Variants in LYPD8 observed in about 807,000 individuals in gnomAD.
LYPD8 encodes LY6/PLAUR domain containing 8.
LYPD8 carries 8 observed loss-of-function variants against 1.7 expected under a neutral mutation model. The observed-to-expected ratio is 4.58, with a 90% CI of 2.69 to 8.27. The LOEUF (loss-of-function observed/expected upper bound fraction) is 8.27. LYPD8 is among the 30% of genes most tolerant of loss of function. The probability of loss-of-function intolerance (pLI) is 0.00; values close to 1 mark genes in which losing one functional copy is unlikely to be tolerated. For synonymous variants in LYPD8, 50 were observed against 43.6 expected, an observed-to-expected ratio of 1.15 and a Z score of -0.58; for missense variants, 112 against 102.3, an observed-to-expected ratio of 1.09 and a Z score of -0.41.
At chr1:248,752,852 C>CCCCA (rs1662835706) in intron 2 of LYPD8, among the ~76,000 whole-genome samples, 1 of 98,874 alleles carries the variant, frequency 1.0e-5, no homozygotes. Context: ...CACACACACA[C>CCCCA]CACACCACAC....
At chr1:248,744,749 A>G (rs868954817) in intron 6 of LYPD8, among the ~76,000 whole-genome samples, 1 of 152,270 alleles carries the variant, frequency 6.6e-6, no homozygotes, top group Admixed American at 6.5e-5. Flanking sequence ...CCAAAAGCCA[A>G]CACCTCTTAG....
At chr1:248,752,779 AC>A (rs1662829443) in intron 2 of LYPD8, among the ~76,000 whole-genome samples, 1 of 82,978 alleles carries the variant, frequency 1.2e-5, no homozygotes, top group African/African-American at 5.9e-5. Flanking sequence ...CCCACACAAC[AC>A]ACACCACACA....
intron 4 of LYPD8, among the ~76,000 whole-genome samples, chr1:248,749,922 T>TA (rs1286587690): frequency 1.8e-3 from 262 of 145,658 alleles, no homozygotes; most frequent in Middle Eastern, 7.2e-3. Context: ...AATACTGTAG[T>TA]AAAAAAAAAA....
At chr1:248,752,370 G>GT (rs1455254710) in intron 2 of LYPD8, among the ~76,000 whole-genome samples, 15 of 151,910 alleles carry the variant, frequency 9.9e-5, no homozygotes, top group African/African-American at 3.6e-4. Flanking sequence ...GCCAAAGCCA[G>GT]TGCTCTATTC....
intron 4 of LYPD8, among the ~76,000 whole-genome samples, chr1:248,749,175 C>T (rs954861980): frequency 5.9e-5 from 9 of 152,156 alleles, no homozygotes; most frequent in Admixed American, 5.2e-4. Flanking sequence ...ACCCATTTCT[C>T]TAACAAACCA....
At chr1:248,749,982 T>TG (rs1662770236) in intron 4 of LYPD8, among the ~76,000 whole-genome samples, 1 of 151,994 alleles carries the variant, frequency 6.6e-6, no homozygotes, top group African/African-American at 2.4e-5. Context: ...CACAGGGTAG[T>TG]GGTTACATGG....
intron 2 of LYPD8, among the ~76,000 whole-genome samples, chr1:248,753,098 A>T (rs1295634999): frequency 1.2e-5 from 1 of 83,816 alleles, no homozygotes; most frequent in African/African-American, 5.1e-5. Flanking sequence ...CTACACACAC[A>T]CCACACACCA....
At chr1:248,743,131 CT>C (rs1398007354) in intron 6 of LYPD8, among the ~76,000 whole-genome samples, 3 of 150,364 alleles carry the variant, frequency 2.0e-5, no homozygotes, top group Non-Finnish European at 4.4e-5. Flanking sequence ...GAATCTAAAA[CT>C]ACTCTGAAAA....
rs767478162 is a variant in LYPD8 at position 248,739,693 on chromosome 1, G to A, written c.632C>T (p.Thr211Ile). ...VNSLTPTSAPTTSHNVGSKAS... is the reference protein window; with the variant it reads ...VNSLTPTSAPITSHNVGSKAS... Reference sequence around the variant, plus strand: ...TTTGGAGCCCACGTTGTGGGAAGTGGTTGGTGCAGACGTGGGGGTTAAGCT... The same window carrying A: ...TTTGGAGCCCACGTTGTGGGAAGTGATTGGTGCAGACGTGGGGGTTAAGCT... Residue 211 changes from threonine (T) to isoleucine (I), a missense_variant, in exon 7 of 7, where the codon ACC becomes ATC. By Grantham distance (89) the Thr-to-Ile change is moderately conservative. Coordinates refer to ENST00000590317, the MANE Select transcript of LYPD8 (RefSeq NM_001085474.2). The surrounding 1 kb of genome is among the most constrained non-coding windows in gnomAD (Gnocchi z 4.3). The A allele has an allele frequency of 6.4e-7, 1 of 1,551,762 alleles. No individual in the cohort carries two copies.
At chr1:248,750,759 C>G in intron 3 of LYPD8, 116 bp from the exon 4 acceptor site, 1 of 397,924 alleles carries the variant, frequency 2.5e-6, no homozygotes, top group Non-Finnish European at 4.4e-6. Context: ...GGGATGGCAT[C>G]CCTGCCCTCT....
chr1:248,752,845 ACACACACCACACC>A (rs1662835136), intron 2 of LYPD8, among the ~76,000 whole-genome samples: 1 of 99,780 alleles, frequency 1.0e-5, no homozygotes, highest in Non-Finnish European at 1.9e-5. Flanking sequence ...CACCCCACAC[ACACACACCACACC>A]ACACACACAC....
chr1:248,743,714 G>A (rs1553283789), intron 6 of LYPD8, among the ~76,000 whole-genome samples: 1 of 152,016 alleles, frequency 6.6e-6, no homozygotes, highest in African/African-American at 2.4e-5. Flanking sequence ...CCGGGTCCTA[G>A]CCAGTGGAAT....
intron 2 of LYPD8, among the ~76,000 whole-genome samples, chr1:248,754,839 C>A (rs1356931888): frequency 6.6e-6 from 1 of 152,176 alleles, no homozygotes; most frequent in Non-Finnish European, 1.5e-5. Flanking sequence ...GCCCGGTGCA[C>A]CCCTACATGC....
At chr1:248,741,068 C>T (rs1284482589) in intron 6 of LYPD8, among the ~76,000 whole-genome samples, 3 of 152,178 alleles carry the variant, frequency 2.0e-5, no homozygotes, top group East Asian at 1.9e-4. Flanking sequence ...AGTCAGTGAT[C>T]GCACCCCTGC....
At chr1:248,748,779 C>T (rs1662752923) in intron 4 of LYPD8, among the ~76,000 whole-genome samples, 1 of 152,152 alleles carries the variant, frequency 6.6e-6, no homozygotes, top group African/African-American at 2.4e-5. Context: ...ATCAAACAGA[C>T]ATGACGAGCC....
intron 2 of LYPD8, among the ~76,000 whole-genome samples, chr1:248,753,217 C>CAT (rs1662854772): frequency 1.1e-5 from 1 of 92,972 alleles, no homozygotes; most frequent in African/African-American, 4.4e-5. Context: ...AACACACACA[C>CAT]CACACCACAC....
intron 2 of LYPD8, among the ~76,000 whole-genome samples, chr1:248,753,055 A>T (rs1662846492): frequency 1.2e-5 from 1 of 80,170 alleles, no homozygotes; most frequent in Non-Finnish European, 2.3e-5. Flanking sequence ...CATCACACAC[A>T]CACCCCACAC....
At chr1:248,743,156 A>T (rs1273761803) in intron 6 of LYPD8, among the ~76,000 whole-genome samples, 3 of 151,550 alleles carry the variant, frequency 2.0e-5, no homozygotes, top group Non-Finnish European at 4.4e-5. Context: ...ATGTGTATTT[A>T]AAAAAAAACA....
rs1169701739 is a variant in LYPD8 at position 248,748,389 on chromosome 1, G to A, written c.237C>T (p.His79=). 1 of 438,976 alleles carries A rather than the reference G, an allele frequency of 2.3e-6. No individual in the cohort carries two copies. The highest frequency in any genetic ancestry group is 4.0e-6 in the Non-Finnish European group (1 of 251,564). 27.2% of individuals were successfully genotyped at this position (438,976 alleles called of 1,614,324 possible). A position where few individuals can be genotyped will look rare whatever the true frequency, so the allele number is the denominator to read the frequency against. ...CSAENCSEET[H]ITAFTVHVSA... is the part of the protein sequence containing the mutation. ...ACACGTGGACAGTGAAGGCTGTAATGTGTGTCTCCTCACTGCAGTTCTCCG... is the reference window on the plus strand; with the variant it reads ...ACACGTGGACAGTGAAGGCTGTAATATGTGTCTCCTCACTGCAGTTCTCCG... The change falls in exon 5 of 7, where the codon CAC becomes CAT. Residue 79 remains histidine (H), a synonymous_variant. Transcript: ENST00000590317.
Sources: gnomAD v4.1 joint callset for allele counts (sites outside exome capture counted in the v4.1 genomes callset) on GRCh38, gnomAD v4.1.1 for gene constraint, Gnocchi (gnomAD v3.1) non-coding constraint, MANE v1.5 for transcripts, NCBI Gene and HGNC (gene_info 2026-07-23, HGNC 2026-07-21) for gene names.